KATNIP: variants seen among roughly 807,000 people sequenced by gnomAD.
KATNIP encodes the protein katanin-interacting protein.
KATNIP carries 126 observed loss-of-function variants against 174.0 expected under a neutral mutation model. That is an observed-to-expected ratio of 0.72 (90% CI 0.63 to 0.84). KATNIP has a LOEUF of 0.84. Ranked by LOEUF, KATNIP falls within the 40% of genes least tolerant of loss-of-function variation. The pLI, the probability that KATNIP is intolerant of heterozygous loss-of-function variation, is 0.00. For synonymous variants in KATNIP, 810 were observed against 835.7 expected (o/e 0.97, Z 0.53); for missense variants, 1,958 against 2,109.7 (o/e 0.93, Z 1.41).
chr16:27,777,585 T>C lies in KATNIP; in HGVS notation c.4552-25T>C, dbSNP rs767882627. The C allele has an allele frequency of 1.9e-6, 3 of 1,582,228 alleles. No individual in the cohort carries two copies. Among genetic ancestry groups the C allele is most frequent in the Non-Finnish European group, 2.6e-6 (3 of 1,161,660 alleles). The stretch of plus-strand genomic sequence containing the variant: ...ACGTGGGAGGGACGAGGGGGACCCA[T>C]GAGTCCTGCCCCGTGTCCCTGCAGC... On this transcript the variant is annotated intron_variant, in intron 25 of 27. Transcript: ENST00000261588. The surrounding 1 kb of genome is among the most constrained non-coding windows in gnomAD (Gnocchi z 4.4).
At chr16:27,742,851 C>T (rs375199312) in intron 15 of KATNIP, among the ~76,000 whole-genome samples, 1 of 151,330 alleles carries the variant, frequency 6.6e-6, no homozygotes, top group African/African-American at 2.4e-5. Context: ...TTCTTTTTTT[C>T]TTTAACTTTT....
chr16:27,635,049 TC>T (rs1483371844), intron 5 of KATNIP, among the ~76,000 whole-genome samples: 1 of 152,132 alleles, frequency 6.6e-6, no homozygotes, highest in Non-Finnish European at 1.5e-5. Context: ...CTCACGCAGA[TC>T]CCGTTCTTCT....
intron 1 of KATNIP, among the ~76,000 whole-genome samples, chr16:27,557,325 A>G (rs1333328082): frequency 1.3e-5 from 2 of 152,012 alleles, no homozygotes; most frequent in Non-Finnish European, 2.9e-5. Context: ...CATTTTTAGT[A>G]CAGACGGGGT....
chr16:27,684,287 A>C (rs1041447155), intron 8 of KATNIP, among the ~76,000 whole-genome samples: 1 of 152,194 alleles, frequency 6.6e-6, no homozygotes, highest in African/African-American at 2.4e-5. Flanking sequence ...TAAGTGATGA[A>C]GCCAGTATTT....
At chr16:27,721,805 C>T (rs1256689755) in intron 14 of KATNIP, 110 bp downstream of exon 14, 1 of 1,240,358 alleles carries the variant, frequency 8.1e-7, no homozygotes, top group Middle Eastern at 2.6e-4. Context: ...GGAAGCCCTG[C>T]TGGCCTCGTG....
In KATNIP at chr16:27,654,122, C is replaced by T. The variant is rs186104921; in HGVS notation, c.540+5387C>T. 1.6e-3 allele frequency among the ~76,000 whole-genome samples: 244 copies of T among 152,238 alleles called. 1 individual carries two copies. The highest frequency in any genetic ancestry group is 3.4e-3 in the Middle Eastern group (1 of 292). On this transcript the variant is annotated intron_variant, in intron 6 of 27. Coordinates refer to ENST00000261588, the MANE Select transcript of KATNIP (RefSeq NM_015202.5). ...TGTCATGTAGCTGGGACTACAGGCACGTGCCAACACACCTGGCTAATTTTT... is the reference window on the plus strand; with the variant it reads ...TGTCATGTAGCTGGGACTACAGGCATGTGCCAACACACCTGGCTAATTTTT...
At chr16:27,668,215 T>C (rs766193917) in intron 6 of KATNIP, among the ~76,000 whole-genome samples, 2 of 152,168 alleles carry the variant, frequency 1.3e-5, no homozygotes, top group Non-Finnish European at 2.9e-5. Flanking sequence ...GTCTGGACTT[T>C]AGAGTCTGAT....
At position 27,776,829 on chromosome 16, in the gene KATNIP, G is replaced by C. The variant is rs2082515801; in HGVS notation, c.4450-99G>C. ...GCCCACGTGGCAGGCGCTGCCTTGG[G>C]CACCACCGCTCACCCCAGCCCACGC... On this transcript the variant is annotated intron_variant, in intron 24 of 27. Transcript: ENST00000261588. The surrounding 1 kb of genome is among the most constrained non-coding windows in gnomAD (Gnocchi z 4.7). The C allele has an allele frequency of 1.2e-6, 1 of 818,200 alleles. No homozygotes were observed. The highest frequency in any genetic ancestry group is 1.7e-5 in the African/African-American group (1 of 58,868). 50.7% of individuals were successfully genotyped at this position (818,200 alleles called of 1,614,324 possible).
chr16:27,618,159 G>T (rs537402702), intron 2 of KATNIP, among the ~76,000 whole-genome samples: 1 of 152,186 alleles, frequency 6.6e-6, no homozygotes, highest in African/African-American at 2.4e-5. Context: ...ATCTTAGAGG[G>T]CATGGGAGGA....
At chr16:27,708,143 C>T (rs1052617685) in intron 12 of KATNIP, among the ~76,000 whole-genome samples, 4 of 151,624 alleles carry the variant, frequency 2.6e-5, no homozygotes, top group Admixed American at 6.6e-5. Context: ...CAGCCTCCTG[C>T]GTAGCTGGGA....
At chr16:27,650,220 A>G (rs965632653) in intron 6 of KATNIP, among the ~76,000 whole-genome samples, 3 of 151,264 alleles carry the variant, frequency 2.0e-5, no homozygotes, top group African/African-American at 7.3e-5. Flanking sequence ...AAGGCATTCC[A>G]GATAGAGGAA....
At position 27,776,934 on chromosome 16, in the gene KATNIP, C is replaced by T. The variant is rs141255670; in HGVS notation, c.4456C>T (p.Arg1486Trp). ...TAGTGCCGCTCTCTGACAGGTGAAC[C>T]GGGTTTATGTGATTTTCGATCTGCC... ...LAPILPGLVN[R>W]VYVIFDLPTT... Residue 1486 changes from arginine to tryptophan, a missense_variant, in exon 25 of 28, where the codon CGG (arginine) becomes TGG (tryptophan). By Grantham distance (101) the Arg-to-Trp change is moderately radical. Transcript: ENST00000261588. This position sits in a 1 kb window ranked among gnomAD's most constrained non-coding sequence, Gnocchi z 4.7. The T allele has an allele frequency of 6.8e-6, 11 of 1,609,854 alleles. No homozygotes were observed. The highest frequency in any genetic ancestry group is 6.7e-5 in the African/African-American group (5 of 74,800).
intron 6 of KATNIP, among the ~76,000 whole-genome samples, chr16:27,664,315 T>G (rs1480166606): frequency 6.6e-6 from 1 of 152,248 alleles, no homozygotes; most frequent in Non-Finnish European, 1.5e-5. Flanking sequence ...CAGATGATTT[T>G]TATGAATGTT....
intron 9 of KATNIP, 40 bp from the exon 10 acceptor site, chr16:27,699,494 C>G (rs530862923): frequency 1.2e-6 from 2 of 1,612,424 alleles, no homozygotes; most frequent in African/African-American, 2.7e-5. Flanking sequence ...GAGTGAATGG[C>G]TTTGTTCCAA....
chr16:27,624,333 C>T lies in KATNIP; in HGVS notation c.141-4328C>T, dbSNP rs115839195. ...GCCATGTCAGGTCCCTAGACTGCCT[C>T]ATCACACCCTGTACTCCCCACTCAC... On this transcript the variant is annotated intron_variant, in intron 3 of 27. Coordinates refer to ENST00000261588, the MANE Select transcript of KATNIP (RefSeq NM_015202.5). Among the ~76,000 whole-genome samples, 732 of 152,296 alleles carry T rather than the reference C, an allele frequency of 4.8e-3. 4 individuals carry two copies. Among genetic ancestry groups the T allele is most frequent in the Middle Eastern group, 0.024 (7 of 294 alleles).
chr16:27,585,750 G>C (rs566805990), intron 2 of KATNIP, among the ~76,000 whole-genome samples: 1 of 152,166 alleles, frequency 6.6e-6, no homozygotes, highest in Non-Finnish European at 1.5e-5. Flanking sequence ...AGACGGATGG[G>C]TCCCAGAGGC....
chr16:27,625,370 A>T (rs1048479092), intron 3 of KATNIP, among the ~76,000 whole-genome samples: 2 of 152,222 alleles, frequency 1.3e-5, no homozygotes, highest in Non-Finnish European at 2.9e-5. Flanking sequence ...AAGTTGAGGC[A>T]GGCTGTCTGC....
intron 6 of KATNIP, among the ~76,000 whole-genome samples, chr16:27,676,659 A>T (rs1219293272): frequency 3.3e-5 from 5 of 152,108 alleles, no homozygotes; most frequent in Admixed American, 3.3e-4. Flanking sequence ...TGGTTTGCCC[A>T]AACAGTCCCA....
chr16:27,632,413 A>C, intron 5 of KATNIP: 1 of 319,454 alleles, frequency 3.1e-6, no homozygotes, highest in Non-Finnish European at 6.5e-6. Context: ...AGTTATGAAT[A>C]TTTATGAAAG....
Sources: gnomAD v4.1 joint callset for allele counts (sites outside exome capture counted in the v4.1 genomes callset) on GRCh38, gnomAD v4.1.1 for gene constraint, Gnocchi (gnomAD v3.1) non-coding constraint, MANE v1.5 for transcripts, NCBI Gene and HGNC (gene_info 2026-07-23, HGNC 2026-07-21) for gene names.